SESN1: variants seen among roughly 807,000 people sequenced by gnomAD.
SESN1 encodes sestrin 1.
A neutral mutation model predicts 59.3 loss-of-function variants in SESN1; 30 were observed. That is an observed-to-expected ratio of 0.51 (90% confidence interval 0.38 to 0.69). The LOEUF is 0.69. Among genes scored for constraint, SESN1 ranks in the 30% least tolerant of loss-of-function variants. The pLI, the probability that SESN1 is intolerant of heterozygous loss-of-function variation, is 0.00. For missense variants in SESN1, 566 were observed against 673.0 expected (o/e 0.84, Z 1.76); for synonymous variants, 197 against 219.9 (o/e 0.90, Z 0.92).
At chr6:109,023,449 CTA>C (rs1464590620) in intron 1 of SESN1, among the ~76,000 whole-genome samples, 1 of 152,168 alleles carries the variant, frequency 6.6e-6, no homozygotes, top group Non-Finnish European at 1.5e-5. Flanking sequence ...ATATGATCCA[CTA>C]TGTTTTTTTG....
Position 108,990,747 on chromosome 6 carries a change from G to A in SESN1, c.1322C>T (p.Ala441Val), listed in dbSNP as rs1261981726. 1 of 1,613,878 alleles carries A rather than the reference G, an allele frequency of 6.2e-7. No individual in the cohort carries two copies. Among genetic ancestry groups the A allele is most frequent in the African/African-American group, 1.3e-5 (1 of 74,906 alleles). ...GQLIDEKFHI[A>V]YNLTYNTMAM... ...CATTGTATTATAAGTAAGATTGTAAGCAATGTGAAATTTTTCATCAATCAA... is the reference window on the plus strand; with the variant it reads ...CATTGTATTATAAGTAAGATTGTAAACAATGTGAAATTTTTCATCAATCAA... The change falls in exon 8 of 10, where the codon GCT becomes GTT. Residue 441 changes from alanine (A) to valine (V), a missense_variant. Ala to Val is a moderately conservative substitution (Grantham distance 64, BLOSUM62 0). Coordinates refer to ENST00000436639, the MANE Select transcript of SESN1 (RefSeq NM_014454.3).
chr6:109,074,102 T>A (rs1367573869), intron 1 of SESN1, among the ~76,000 whole-genome samples: 1 of 152,222 alleles, frequency 6.6e-6, no homozygotes, highest in Non-Finnish European at 1.5e-5. Context: ...GTGTTACAAT[T>A]GCCTATTCAT....
chr6:109,059,458 T>TA (rs1241586446), intron 1 of SESN1: 8 of 152,294 alleles, frequency 5.3e-5, no homozygotes, highest in Admixed American at 4.6e-4. Context: ...ATAATGGCTA[T>TA]ATATAAAAAA....
intron 1 of SESN1, among the ~76,000 whole-genome samples, chr6:109,048,260 T>C (rs2114435166): frequency 6.6e-6 from 1 of 152,246 alleles, no homozygotes; most frequent in South Asian, 2.1e-4. Flanking sequence ...TGACCCTGCT[T>C]GTATGTGGTG....
chr6:109,019,992 G>C (rs187257732), intron 1 of SESN1, among the ~76,000 whole-genome samples: 45 of 152,282 alleles, frequency 3.0e-4, no homozygotes, highest in African/African-American at 9.9e-4. Context: ...CCAGAAAAAA[G>C]TATGTGGATC....
At chr6:109,023,261 C>T (rs1053860693) in intron 1 of SESN1, among the ~76,000 whole-genome samples, 8 of 152,324 alleles carry the variant, frequency 5.3e-5, no homozygotes, top group African/African-American at 1.9e-4. Context: ...TTCTCCCTGA[C>T]ACTTGAAAAC....
rs536082214 is a variant in SESN1, at chr6:109,007,043, G to A, written c.280-4700C>T. On this transcript the variant is annotated intron_variant, in intron 1 of 9. Coordinates refer to ENST00000436639, the MANE Select transcript of SESN1 (RefSeq NM_014454.3). ...CCTCACAGGCTCTCTGTGAAGGTGT[G>A]GCTGGAAGATTAACATGAGAACAAT... Among the ~76,000 whole-genome samples the A allele has an allele frequency of 9.9e-5, 15 of 152,266 alleles. No homozygotes were observed. The East Asian group carries it at 2.9e-3, about 29-fold the overall frequency.
At chr6:108,989,464 T>C (rs1779301829) in intron 8 of SESN1, among the ~76,000 whole-genome samples, 1 of 144,216 alleles carries the variant, frequency 6.9e-6, no homozygotes, top group Non-Finnish European at 1.6e-5. Flanking sequence ...TATCTAGAGA[T>C]ATAGAAATAT....
chr6:109,009,245 T>C, intron 1 of SESN1: 1 of 1,025,270 alleles, frequency 9.8e-7, no homozygotes, highest in South Asian at 2.7e-5. Flanking sequence ...TTTCGGATGC[T>C]GACCGGGAGC....
intron 1 of SESN1, among the ~76,000 whole-genome samples, chr6:109,005,654 G>A (rs904237679): frequency 5.9e-5 from 9 of 152,100 alleles, no homozygotes. Flanking sequence ...TCTTGTCTTT[G>A]TAAGTCCATC....
Position 109,028,844 on chromosome 6 carries a change from C to T in SESN1, c.280-26501G>A, listed in dbSNP as rs1780137989. Among the ~76,000 whole-genome samples, 3 of 152,094 alleles carry T rather than the reference C, an allele frequency of 2.0e-5. No individual in the cohort carries two copies. The South Asian group carries it at 6.2e-4, about 31-fold the overall frequency. On this transcript the variant is annotated intron_variant, in intron 1 of 9. Transcript: ENST00000436639. ...TCCTAGTATCAGAAAAGAACAACCC[C>T]CAAACTTTCCAATAAATCTGCAGCT...
At chr6:109,080,099 C>G (rs934017289) in intron 1 of SESN1, among the ~76,000 whole-genome samples, 1 of 152,104 alleles carries the variant, frequency 6.6e-6, no homozygotes, top group African/African-American at 2.4e-5. Context: ...AGTCTTTCAG[C>G]TATAAAGCCA....
intron 1 of SESN1, among the ~76,000 whole-genome samples, chr6:109,052,548 T>G (rs1780558060): frequency 6.6e-6 from 1 of 152,214 alleles, no homozygotes; most frequent in Non-Finnish European, 1.5e-5. Context: ...CACTTAAAGT[T>G]TTAATATAAT....
intron 1 of SESN1, among the ~76,000 whole-genome samples, chr6:109,039,616 C>T (rs563225449): frequency 6.6e-6 from 1 of 152,178 alleles, no homozygotes; most frequent in Non-Finnish European, 1.5e-5. Context: ...GGTCATAGTC[C>T]CATCACTGGG....
Position 109,044,990 on chromosome 6 carries a change from T to G in SESN1, c.280-42647A>C, listed in dbSNP as rs540385277. Among the ~76,000 whole-genome samples the G allele has an allele frequency of 8.6e-5, 13 of 151,200 alleles. No homozygotes were observed. In the South Asian group the frequency reaches 2.7e-3, roughly 32 times the overall value. ...GTGAGCTGAGATTGCGCCACTGCAC[T>G]CCATCCTGGGCAACAAGAGCGAGAC... On this transcript the variant is annotated intron_variant, in intron 1 of 9. Transcript: ENST00000436639.
chr6:109,057,515 T>C (rs1780656236), intron 1 of SESN1, among the ~76,000 whole-genome samples: 1 of 152,208 alleles, frequency 6.6e-6, no homozygotes, highest in Admixed American at 6.5e-5. Flanking sequence ...CAGACTGACA[T>C]ACTCAACAAT....
intron 1 of SESN1, among the ~76,000 whole-genome samples, chr6:109,053,009 C>T (rs573198083): frequency 6.6e-5 from 10 of 152,000 alleles, no homozygotes; most frequent in East Asian, 5.8e-4. Flanking sequence ...TGGTCATATA[C>T]GTCACTATTC....
At position 109,080,387 on chromosome 6, in the gene SESN1, T is replaced by C. The variant is rs546258616; in HGVS notation, c.279+13408A>G. ...TCATCTTACTAGGAATCTCTTAATA[T>C]AAAAATAAGCCTTTTATACACCATA... On this transcript the variant is annotated intron_variant, in intron 1 of 9. Transcript: ENST00000436639. Among the ~76,000 whole-genome samples the C allele has an allele frequency of 3.2e-4, 49 of 152,284 alleles. 2 individuals are homozygous for C. In the East Asian group the frequency reaches 8.7e-3, roughly 27 times the overall value.
intron 1 of SESN1, among the ~76,000 whole-genome samples, chr6:109,057,689 C>G (rs1456440367): frequency 6.6e-6 from 1 of 152,184 alleles, no homozygotes. Flanking sequence ...TATTTAAAGG[C>G]AGTGGCAAGG....
Sources: gnomAD v4.1 joint callset for allele counts (sites outside exome capture counted in the v4.1 genomes callset) on GRCh38, gnomAD v4.1.1 for gene constraint, MANE v1.5 for transcripts, NCBI Gene and HGNC (gene_info 2026-07-23, HGNC 2026-07-21) for gene names.